The following HHIP variants were observed in gnomAD, a reference collection of about 807,000 sequenced individuals.
The protein encoded by HHIP is hedgehog-interacting protein.
Under a neutral mutation model 74.0 loss-of-function variants are expected in HHIP, and 12 were observed. That is an observed-to-expected ratio of 0.16 (90% CI 0.10 to 0.26). The LOEUF is 0.26. HHIP is among the 10% of genes least tolerant of loss of function. The pLI is 1.00. For synonymous variants in HHIP, 309 were observed against 311.6 expected, an observed-to-expected ratio of 0.99 and a Z score of 0.09; for missense variants, 788 against 845.0, an observed-to-expected ratio of 0.93 and a Z score of 0.84.
At chr4:144,653,114 T>C (rs1728469572) in intron 2 of HHIP, among the ~76,000 whole-genome samples, 1 of 152,172 alleles carries the variant, frequency 6.6e-6, no homozygotes, top group Admixed American at 6.6e-5. Flanking sequence ...TCCTCGTTGG[T>C]GCCTTCTTTA....
chr4:144,736,469 A>C (rs1175482540), intron 12 of HHIP, among the ~76,000 whole-genome samples: 1 of 152,116 alleles, frequency 6.6e-6, no homozygotes, highest in Non-Finnish European at 1.5e-5. Flanking sequence ...TATAACATAA[A>C]GTGTCCATTC....
chr4:144,669,243 G>A (rs1242774429), intron 4 of HHIP, among the ~76,000 whole-genome samples: 1 of 152,096 alleles, frequency 6.6e-6, no homozygotes, highest in Non-Finnish European at 1.5e-5. Flanking sequence ...GGACATTTCA[G>A]TCAAATATGT....
intron 4 of HHIP, among the ~76,000 whole-genome samples, chr4:144,701,102 G>C (rs1729969084): frequency 6.6e-6 from 1 of 152,126 alleles, no homozygotes; most frequent in South Asian, 2.1e-4. Flanking sequence ...TATAGCAAAA[G>C]TATATATCTT....
intron 2 of HHIP, chr4:144,654,935 T>C (rs1301107139): frequency 6.6e-6 from 1 of 152,210 alleles, no homozygotes; most frequent in Non-Finnish European, 1.5e-5. Flanking sequence ...CCGAGGGATG[T>C]ATTTTGCTAA....
At chr4:144,681,616 G>T (rs72948477) in intron 4 of HHIP, among the ~76,000 whole-genome samples, 8,500 of 151,966 alleles carry the variant, frequency 0.056, 291 homozygotes, top group African/African-American at 0.11. Context: ...ATAGAGCTGG[G>T]GTTTCACCCT....
In HHIP at chr4:144,734,790, C is replaced by G; in HGVS notation, c.1810C>G (p.Leu604Val). 6.2e-7 allele frequency: 1 copy of G among 1,611,972 alleles called. No homozygotes were observed. Among genetic ancestry groups the G allele is most frequent in the Non-Finnish European group, 8.5e-7 (1 of 1,178,414 alleles). ...AGCCACGGTACAACCTGCACAGACACTGACTTCAGAGTGCTCCAGGCTCTG... is the reference window on the plus strand; with the variant it reads ...AGCCACGGTACAACCTGCACAGACAGTGACTTCAGAGTGCTCCAGGCTCTG... ...CRATVQPAQT[L>V]TSECSRLCRN... The change falls in exon 12 of 13, where the codon CTG (leucine) becomes GTG (valine). Residue 604 changes from leucine (L) to valine (V), a missense_variant. Physicochemically the swap from Leu to Val is conservative, Grantham distance 32. Transcript: ENST00000296575.
intron 4 of HHIP, among the ~76,000 whole-genome samples, chr4:144,700,376 A>G (rs567391700): frequency 1.3e-5 from 2 of 152,230 alleles, no homozygotes; most frequent in African/African-American, 2.4e-5. Context: ...CGATTAAAAT[A>G]TTCATGTGGT....
chr4:144,686,518 A>T (rs143133339), intron 4 of HHIP, among the ~76,000 whole-genome samples: 27 of 152,312 alleles, frequency 1.8e-4, no homozygotes, highest in African/African-American at 5.3e-4. Flanking sequence ...ATTGGGATGG[A>T]GAACAAAAGG....
At position 144,743,393 on chromosome 4, in the gene HHIP, AAAAT is replaced by A. The variant is rs1731315605; in HGVS notation, c.*5443_*5446del. The A allele has an allele frequency of 6.6e-6, 1 of 152,046 alleles. No individual in the cohort carries two copies. The highest frequency in any genetic ancestry group is 1.5e-5 in the Non-Finnish European group (1 of 67,946). The allele number at this position is 152,046 out of a possible 1,614,324, so 9.4% of individuals were successfully genotyped here. ...TATATAAGTCCATTGACAAAATAAA[AAAAT>A]AAATAATTGGATTCCTTGTATCAAC... On this transcript the variant is annotated 3_prime_UTR_variant, in exon 13 of 13. Transcript: ENST00000296575.
In HHIP at chr4:144,658,810, G is replaced by C; in HGVS notation, c.493G>C (p.Asp165His). The C allele has an allele frequency of 6.2e-7, 1 of 1,612,588 alleles. No homozygotes were observed. The highest frequency in any genetic ancestry group is 8.5e-7 in the Non-Finnish European group (1 of 1,179,166). The change falls in exon 3 of 13, where the codon GAT becomes CAT. Residue 165 changes from aspartate (D) to histidine (H), a missense_variant. Asp to His is a moderately conservative substitution (Grantham distance 81). This residue lies in a region of HHIP where 373 missense variants were observed against 366.4 expected (regional missense o/e 1.02). Coordinates refer to ENST00000296575, the MANE Select transcript of HHIP (RefSeq NM_022475.3). The stretch of plus-strand genomic sequence containing the variant: ...TAAAGGTTTCCTTCAAACAACTGCG[G>C]ATGAGTTTTGCTTTTACTATGCAAG... ...HIPGFLQTTADEFCFYYARKD... is the reference protein window; with the variant it reads ...HIPGFLQTTAHEFCFYYARKD...
rs1731308763 is a variant in HHIP, at chr4:144,743,035, T to G, written c.*5078T>G. ...TTATATATATATAATATATATCTTA[T>G]ATATATATATATCTTAATACATATA... On this transcript the variant is annotated 3_prime_UTR_variant, in exon 13 of 13. Transcript: ENST00000296575. 7.4e-6 allele frequency: 1 copy of G among 134,894 alleles called. No homozygotes were observed. The highest frequency in any genetic ancestry group is 2.7e-5 in the African/African-American group (1 of 36,494). The allele number at this position is 134,894 out of a possible 1,614,324, so 8.4% of individuals were successfully genotyped here.
intron 2 of HHIP, among the ~76,000 whole-genome samples, chr4:144,654,435 C>A (rs529234718): frequency 3.0e-4 from 45 of 152,226 alleles, no homozygotes; most frequent in Non-Finnish European, 5.3e-4. Flanking sequence ...TAGAAGTGGA[C>A]AGAGCAGCAA....
chr4:144,671,149 C>G lies in HHIP; in HGVS notation c.831+11311C>G, dbSNP rs186933291. 1.1e-3 allele frequency among the ~76,000 whole-genome samples: 173 copies of G among 152,218 alleles called. 2 individuals carry two copies. The highest frequency in any genetic ancestry group is 5.9e-5 in the Non-Finnish European group (4 of 68,018). On this transcript the variant is annotated intron_variant, in intron 4 of 12. Transcript: ENST00000296575. Reference sequence around the variant, plus strand: ...TCCAGGGATTTGGAAGATCAGATGACCCCATGAAGTTAATAATATATTTAC... The same window carrying G: ...TCCAGGGATTTGGAAGATCAGATGAGCCCATGAAGTTAATAATATATTTAC...
rs561651356 is a variant in HHIP, at chr4:144,714,103, C to T, written c.1424-122C>T. 44 of 793,300 alleles carry T rather than the reference C, an allele frequency of 5.5e-5. 1 individual carries two copies. The highest frequency in any genetic ancestry group is 5.0e-4 in the African/African-American group (29 of 57,886). 49.1% of individuals were successfully genotyped at this position (793,300 alleles called of 1,614,324 possible). A position where few individuals can be genotyped will look rare whatever the true frequency, so the allele number is the denominator to read the frequency against. ...TCATTAAATAGCTCTAGCAAGAAAC[C>T]CTTTGGTGTATCATAGAACACATTT... On this transcript the variant is annotated intron_variant, in intron 8 of 12. Transcript: ENST00000296575.
rs144641682 is a variant in HHIP, at chr4:144,715,767, A to T, written c.1678+337A>T. The T allele has an allele frequency of 8.8e-4, 142 of 160,660 alleles. 5 individuals carry two copies. The East Asian group carries it at 0.024, about 27-fold the overall frequency. The allele number at this position is 160,660 out of a possible 1,614,324, so 10.0% of individuals were successfully genotyped here. On this transcript the variant is annotated intron_variant, in intron 10 of 12. Transcript: ENST00000296575. ...TTATACATCTGAGTAGTTTGTGTATATTCTCTATCTAAAAACCTTTCCATG... is the reference window on the plus strand; with the variant it reads ...TTATACATCTGAGTAGTTTGTGTATTTTCTCTATCTAAAAACCTTTCCATG...
At chr4:144,735,866 C>T (rs892039031) in intron 12 of HHIP, among the ~76,000 whole-genome samples, 12 of 152,058 alleles carry the variant, frequency 7.9e-5, no homozygotes, top group African/African-American at 2.9e-4. Context: ...TTTAAACTTA[C>T]ATTGCTTCAG....
At chr4:144,670,587 A>G (rs1213185080) in intron 4 of HHIP, among the ~76,000 whole-genome samples, 2 of 151,848 alleles carry the variant, frequency 1.3e-5, no homozygotes, top group African/African-American at 4.8e-5. Flanking sequence ...TTTGATCCAA[A>G]CAGACCACAA....
intron 8 of HHIP, among the ~76,000 whole-genome samples, chr4:144,713,821 C>T (rs1730366011): frequency 6.6e-6 from 1 of 151,986 alleles, no homozygotes; most frequent in African/African-American, 2.4e-5. Flanking sequence ...TTTGACAGAG[C>T]TCTGTCTCAA....
At chr4:144,665,357 C>G (rs1331949148) in intron 4 of HHIP, among the ~76,000 whole-genome samples, 1 of 152,166 alleles carries the variant, frequency 6.6e-6, no homozygotes, top group African/African-American at 2.4e-5. Flanking sequence ...CACACTTGGC[C>G]TCTTATAAGT....
Sources: allele counts gnomAD v4.1 joint callset (sites outside exome capture counted in the v4.1 genomes callset), GRCh38; gene constraint gnomAD v4.1.1; regional missense constraint gnomAD v4.1.1; transcripts MANE v1.5; gene names NCBI Gene and HGNC (gene_info 2026-07-23, HGNC 2026-07-21).